The following KIAA1217 variants were observed in gnomAD, a reference collection of about 807,000 sequenced individuals.
KIAA1217 encodes KIAA1217, also known as sickle tail protein homolog.
A neutral mutation model predicts 163.9 loss-of-function variants in KIAA1217; 88 were observed. That is an observed-to-expected ratio of 0.54 (90% CI 0.45 to 0.64). The LOEUF (loss-of-function observed/expected upper bound fraction) is 0.64. KIAA1217 is among the 30% of genes least tolerant of loss of function. KIAA1217 has a pLI of 0.00. For synonymous variants in KIAA1217, 903 were observed against 923.1 expected (o/e 0.98, Z 0.39); for missense variants, 2,372 against 2,475.0 (o/e 0.96, Z 0.88).
chr10:23,794,317 G>T (rs1409074730), intron 1 of KIAA1217, among the ~76,000 whole-genome samples: 1 of 152,166 alleles, frequency 6.6e-6, no homozygotes, highest in African/African-American at 2.4e-5. Flanking sequence ...AGGGCAGGGG[G>T]TAAAAATCTT....
At chr10:23,934,563 A>ATATATATATATATATATATATG (rs1564545390) in intron 1 of KIAA1217, among the ~76,000 whole-genome samples, 30 of 44,324 alleles carry the variant, frequency 6.8e-4, no homozygotes, top group Non-Finnish European at 9.0e-4. Context: ...TAAAGTATAT[A>ATATATATATATATATATATATG]TATATATATA....
intron 20 of KIAA1217, chr10:24,545,426 C>G (rs1354667518): frequency 7.7e-7 from 1 of 1,297,816 alleles, no homozygotes; most frequent in African/African-American, 1.5e-5. Flanking sequence ...ACAAACCAAC[C>G]TGTGGTTGAA....
At position 23,747,338 on chromosome 10, in the gene KIAA1217, G is replaced by A. The variant is rs896925359; in HGVS notation, c.-321+52104G>A. ...CCAGACTTTGGATGAAGATGGAGAT[G>A]CATCTTTTGTTTCCTGGGCTTCGGA... On this transcript the variant is annotated intron_variant, in intron 1 of 18. Coordinates refer to the KIAA1217 transcript ENST00000376462. Among the ~76,000 whole-genome samples, 3 of 152,318 alleles carry A rather than the reference G, an allele frequency of 2.0e-5. No homozygotes were observed. In the South Asian group the frequency reaches 6.2e-4, roughly 32 times the overall value.
rs578207816 is a variant in KIAA1217, at chr10:24,053,960, T to A, written c.-171+46586T>A. On this transcript the variant is annotated intron_variant, in intron 2 of 18. Transcript: ENST00000376462. ...ACCTGTGTGGCTGGTGAGGGAAACA[T>A]GGAGAGAGGAAGAGACTGAAATAAT... is the stretch of plus-strand genomic sequence containing the variant. Among the ~76,000 whole-genome samples, 401 of 152,042 alleles carry A rather than the reference T, an allele frequency of 2.6e-3. 1 individual carries two copies. The highest frequency in any genetic ancestry group is 8.6e-3 in the African/African-American group (355 of 41,466).
chr10:23,842,716 A>G (rs1313724141), intron 1 of KIAA1217, among the ~76,000 whole-genome samples: 1 of 152,050 alleles, frequency 6.6e-6, no homozygotes, highest in Admixed American at 6.6e-5. Context: ...TTGGGGTTCA[A>G]GAAGGAATTA....
intron 5 of KIAA1217, among the ~76,000 whole-genome samples, chr10:24,461,389 C>T (rs1451263139): frequency 6.6e-6 from 1 of 152,070 alleles, no homozygotes; most frequent in Non-Finnish European, 1.5e-5. Context: ...GAGTCTTGCT[C>T]TGTTGCCCAG....
intron 16 of KIAA1217, 123 bp downstream of exon 16, chr10:24,533,360 G>A: frequency 1.1e-6 from 1 of 932,514 alleles, no homozygotes; most frequent in Non-Finnish European, 1.5e-6. Flanking sequence ...CATAGAAGCT[G>A]TGTCTTCTGG....
intron 2 of KIAA1217, among the ~76,000 whole-genome samples, chr10:24,260,402 C>T (rs76936318): frequency 4.6e-5 from 7 of 151,992 alleles, no homozygotes; most frequent in African/African-American, 1.4e-4. Flanking sequence ...GTGCCATAAT[C>T]GACATTTCAG....
chr10:24,427,366 T>C (rs34139820), intron 3 of KIAA1217, among the ~76,000 whole-genome samples: 31,111 of 152,092 alleles, frequency 0.2, 3,295 homozygotes, highest in African/African-American at 0.26. Flanking sequence ...TAGCTCAGGT[T>C]GCCCTGAGAG....
At chr10:23,719,316 CAT>C (rs908875118) in intron 1 of KIAA1217, among the ~76,000 whole-genome samples, 1 of 152,210 alleles carries the variant, frequency 6.6e-6, no homozygotes, top group African/African-American at 2.4e-5. Context: ...TGCCGTGGCT[CAT>C]GCCTGTAATC....
At chr10:23,811,057 G>A (rs1395331000) in intron 1 of KIAA1217, among the ~76,000 whole-genome samples, 6 of 126,258 alleles carry the variant, frequency 4.8e-5, no homozygotes, top group South Asian at 2.3e-4. Flanking sequence ...AATATATATT[G>A]TTAATCTCTA....
chr10:24,087,878 C>T (rs914397219), intron 2 of KIAA1217, among the ~76,000 whole-genome samples: 2 of 151,934 alleles, frequency 1.3e-5, no homozygotes, highest in Admixed American at 6.6e-5. Flanking sequence ...AAGAGTGTGT[C>T]GTGGATTTTC....
chr10:24,529,863 T>C (rs1158323076), intron 14 of KIAA1217, among the ~76,000 whole-genome samples: 1 of 150,198 alleles, frequency 6.7e-6, no homozygotes, highest in African/African-American at 2.5e-5. Context: ...AGTGGCATGA[T>C]CTTGGCTCCC....
Position 24,544,115 on chromosome 10 carries a change from A to G in KIAA1217, c.4845A>G (p.Lys1615=). The part of the protein sequence containing the change: ...YEEEEEDGTL[K]QHKEAKRFEI... ...AAGAGGAAGAGGATGGCACCCTGAA[A>G]CAGCACAAAGAAGCCAAGCGCTTCG... Residue 1615 remains lysine, a synonymous_variant, in exon 19 of 21, where the codon AAA becomes AAG. Coordinates refer to ENST00000376454, the MANE Select transcript of KIAA1217 (RefSeq NM_019590.5). 1 of 1,614,172 alleles carries G rather than the reference A, an allele frequency of 6.2e-7. No homozygotes were observed. Among genetic ancestry groups the G allele is most frequent in the Non-Finnish European group, 8.5e-7 (1 of 1,180,038 alleles).
chr10:23,936,952 T>G (rs1016700458), intron 1 of KIAA1217, among the ~76,000 whole-genome samples: 1 of 152,110 alleles, frequency 6.6e-6, no homozygotes, highest in Non-Finnish European at 1.5e-5. Flanking sequence ...CATCTCAGCT[T>G]ACTGCAACCT....
At chr10:24,521,738 C>G in intron 11 of KIAA1217, 44 bp from the exon 12 acceptor site, 3 of 1,593,378 alleles carry the variant, frequency 1.9e-6, no homozygotes, top group Non-Finnish European at 2.6e-6. Context: ...GGTTGTCGTT[C>G]TGGCTTTTTC....
chr10:23,894,037 T>C (rs1365271889), intron 1 of KIAA1217, among the ~76,000 whole-genome samples: 1 of 152,080 alleles, frequency 6.6e-6, no homozygotes, highest in Non-Finnish European at 1.5e-5. Context: ...AATATCATAC[T>C]GAATGGGCAA....
chr10:23,815,082 G>T (rs2130994218), intron 1 of KIAA1217, among the ~76,000 whole-genome samples: 1 of 152,266 alleles, frequency 6.6e-6, no homozygotes, highest in Non-Finnish European at 1.5e-5. Context: ...GGATTTGCAA[G>T]TGCCTCAAGA....
intron 2 of KIAA1217, among the ~76,000 whole-genome samples, chr10:24,308,544 C>T (rs1286129418): frequency 6.6e-6 from 1 of 152,182 alleles, no homozygotes; most frequent in African/African-American, 2.4e-5. Flanking sequence ...GGCCATCAGC[C>T]TTCTTAGGGT....
Sources: allele counts gnomAD v4.1 joint callset (sites outside exome capture counted in the v4.1 genomes callset), GRCh38; gene constraint gnomAD v4.1.1; transcripts MANE v1.5; gene names NCBI Gene and HGNC (gene_info 2026-07-23, HGNC 2026-07-21).